NKAIN2: variants seen among roughly 807,000 people sequenced by gnomAD.
The protein encoded by NKAIN2 is sodium/potassium-transporting ATPase subunit beta-1-interacting protein 2.
In NKAIN2, 14 loss-of-function variants were observed where a neutral mutation model predicts 32.6. The ratio of observed to expected loss-of-function variants is 0.43; its 90% CI spans 0.28 to 0.67. NKAIN2 has a LOEUF of 0.67. Ranked by LOEUF, NKAIN2 falls within the 30% of genes least tolerant of loss-of-function variation. The pLI is 0.17. For synonymous variants in NKAIN2, 80 were observed against 87.2 expected (o/e 0.92, Z 0.46); for missense variants, 198 against 258.3 (o/e 0.77, Z 1.60).
At chr6:123,971,636 C>G (rs962377655) in intron 1 of NKAIN2, among the ~76,000 whole-genome samples, 12 of 152,084 alleles carry the variant, frequency 7.9e-5, no homozygotes, top group African/African-American at 2.9e-4. Flanking sequence ...CTTGTTGTCC[C>G]CATCATGTCT....
chr6:124,301,463 GAGA>G (rs1399791783), intron 2 of NKAIN2, among the ~76,000 whole-genome samples: 65 of 152,286 alleles, frequency 4.3e-4, no homozygotes, highest in East Asian at 1.9e-4. Flanking sequence ...GTGGAGCTGT[GAGA>G]AGAAGGCCAC....
intron 1 of NKAIN2, among the ~76,000 whole-genome samples, chr6:123,930,323 T>A (rs1776197881): frequency 6.6e-6 from 1 of 151,926 alleles, no homozygotes; most frequent in African/African-American, 2.4e-5. Context: ...TTAGTTGGAA[T>A]TTTTCAGATT....
chr6:124,714,076 G>A (rs868116801), intron 4 of NKAIN2, among the ~76,000 whole-genome samples: 1 of 152,216 alleles, frequency 6.6e-6, no homozygotes, highest in Non-Finnish European at 1.5e-5. Context: ...CCTATGGGAT[G>A]TATACCTGAC....
At chr6:124,058,052 T>A (rs1185225622) in intron 1 of NKAIN2, among the ~76,000 whole-genome samples, 1 of 152,102 alleles carries the variant, frequency 6.6e-6, no homozygotes. Context: ...GTTATATTTC[T>A]ACCTAGAAAG....
At chr6:124,498,802 G>T (rs187009639) in intron 3 of NKAIN2, among the ~76,000 whole-genome samples, 1 of 152,072 alleles carries the variant, frequency 6.6e-6, no homozygotes, top group Non-Finnish European at 1.5e-5. Flanking sequence ...AATATATTTG[G>T]TAATTAATAA....
intron 2 of NKAIN2, among the ~76,000 whole-genome samples, chr6:124,326,148 AT>A (rs148109245): frequency 0.1 from 13,330 of 131,892 alleles, 1,046 homozygotes; most frequent in East Asian, 0.28. Flanking sequence ...CTTCTGAAGG[AT>A]TTTTTTTTTC....
intron 1 of NKAIN2, among the ~76,000 whole-genome samples, chr6:123,938,537 T>TTATATATTATATATTTATATATTTTTA (rs1401153007): frequency 6.2e-4 from 85 of 137,236 alleles, no homozygotes; most frequent in Non-Finnish European, 9.1e-4. Context: ...ATTATATTTT[T>TTATATATTATATATTTATATATTTTTA]TATATATTAT....
chr6:124,038,361 C>A (rs1038999622), intron 1 of NKAIN2, among the ~76,000 whole-genome samples: 1 of 151,864 alleles, frequency 6.6e-6, no homozygotes, highest in Non-Finnish European at 1.5e-5. Context: ...ATTACAGACA[C>A]CCACCACCAG....
At chr6:124,179,963 T>C (rs1156987380) in intron 1 of NKAIN2, among the ~76,000 whole-genome samples, 1 of 152,178 alleles carries the variant, frequency 6.6e-6, no homozygotes, top group African/African-American at 2.4e-5. Context: ...GCAAGAGATT[T>C]AGATATTGCA....
chr6:123,820,710 CTGAAT>C (rs1290924460), intron 1 of NKAIN2, among the ~76,000 whole-genome samples: 1 of 152,088 alleles, frequency 6.6e-6, no homozygotes, highest in Non-Finnish European at 1.5e-5. Context: ...TATCTTGTAA[CTGAAT>C]TGAATTTGTT....
At position 123,953,852 on chromosome 6, in the gene NKAIN2, G is replaced by A. The variant is rs141604208; in HGVS notation, c.54+149598G>A. 8.3e-3 allele frequency among the ~76,000 whole-genome samples: 1,259 copies of A among 152,306 alleles called. 12 individuals are homozygous for A. The highest frequency in any genetic ancestry group is 0.017 in the Middle Eastern group (5 of 294). ...GACTGCACTACATTCTTGCTACTGA[G>A]GAGGGCAGGTTTGCTTTCAATGGCA... On this transcript the variant is annotated intron_variant, in intron 1 of 6. Transcript: ENST00000368417.
intron 1 of NKAIN2, among the ~76,000 whole-genome samples, chr6:124,219,275 CTTTTTTTCT>C (rs1791667419): frequency 1.1e-5 from 1 of 93,002 alleles, no homozygotes; most frequent in African/African-American, 4.0e-5. Context: ...TTTCTTTTTT[CTTTTTTTCT>C]TTTTTTTTTT....
chr6:123,815,969 T>A (rs1014407988), intron 1 of NKAIN2, among the ~76,000 whole-genome samples: 1 of 152,068 alleles, frequency 6.6e-6, no homozygotes, highest in Non-Finnish European at 1.5e-5. Flanking sequence ...GAACTTAAGA[T>A]AATTAAGAAT....
intron 1 of NKAIN2, among the ~76,000 whole-genome samples, chr6:124,247,143 G>C (rs771593899): frequency 1.3e-5 from 2 of 151,972 alleles, no homozygotes; most frequent in Non-Finnish European, 2.9e-5. Flanking sequence ...TGATTAGATT[G>C]TGCCCACCCA....
intron 2 of NKAIN2, among the ~76,000 whole-genome samples, chr6:124,331,802 T>C (rs919909813): frequency 6.6e-6 from 1 of 152,178 alleles, no homozygotes; most frequent in East Asian, 1.9e-4. Context: ...GTATTCTAAA[T>C]ACCTGTGCAT....
intron 1 of NKAIN2, among the ~76,000 whole-genome samples, chr6:124,235,520 T>A (rs1027784638): frequency 6.6e-6 from 1 of 152,126 alleles, no homozygotes; most frequent in African/African-American, 2.4e-5. Context: ...CTTTAAATTT[T>A]GCATATGAGG....
At chr6:124,170,737 T>C (rs1371616287) in intron 1 of NKAIN2, among the ~76,000 whole-genome samples, 2 of 152,146 alleles carry the variant, frequency 1.3e-5, no homozygotes, top group Non-Finnish European at 2.9e-5. Flanking sequence ...ATAGCAAAGA[T>C]AGTAATATGT....
At chr6:124,194,079 T>C (rs1242942560) in intron 1 of NKAIN2, among the ~76,000 whole-genome samples, 1 of 151,982 alleles carries the variant, frequency 6.6e-6, no homozygotes, top group Non-Finnish European at 1.5e-5. Flanking sequence ...GGGGAGGACG[T>C]GCACTCCGAT....
At chr6:124,125,084 G>T (rs75746724) in intron 1 of NKAIN2, among the ~76,000 whole-genome samples, 1,720 of 152,270 alleles carry the variant, frequency 0.011, 29 homozygotes, top group African/African-American at 0.039. Flanking sequence ...TACCTGCTGG[G>T]TTGCCAAGTC....
Sources: allele counts gnomAD v4.1 joint callset (sites outside exome capture counted in the v4.1 genomes callset), GRCh38; gene constraint gnomAD v4.1.1; transcripts MANE v1.5; gene names NCBI Gene and HGNC (gene_info 2026-07-23, HGNC 2026-07-21).